The following FRMD4B variants were observed in gnomAD, a reference collection of about 807,000 sequenced individuals.
The protein encoded by FRMD4B is FERM domain-containing protein 4B.
In FRMD4B, 74 loss-of-function variants were observed where a neutral mutation model predicts 141.5. That is an observed-to-expected ratio of 0.52 (90% CI 0.43 to 0.63). The LOEUF (loss-of-function observed/expected upper bound fraction) is 0.63. FRMD4B is among the 30% of genes least tolerant of loss of function. The pLI, the probability that FRMD4B is intolerant of heterozygous loss-of-function variation, is 0.00. For missense variants in FRMD4B, 1,366 were observed against 1,253.4 expected, an observed-to-expected ratio of 1.09 and a Z score of -1.36; for synonymous variants, 506 against 467.9, an observed-to-expected ratio of 1.08 and a Z score of -1.05.
chr3:69,442,411 A>G (rs1575803883), intron 1 of FRMD4B, among the ~76,000 whole-genome samples: 1 of 152,138 alleles, frequency 6.6e-6, no homozygotes, highest in African/African-American at 2.4e-5. Context: ...AAAAATTGTT[A>G]TTTTTAAGTG....
chr3:69,536,132 G>T (rs1478424259), intron 1 of FRMD4B: 1 of 495,984 alleles, frequency 2.0e-6, no homozygotes, highest in African/African-American at 2.0e-5. Flanking sequence ...GGCTGCACCT[G>T]GCTTGGGAGG....
rs368542887 is a variant in FRMD4B at position 69,524,851 on chromosome 3, G to A, written c.-129+17355C>T. 3.3e-5 allele frequency among the ~76,000 whole-genome samples: 5 copies of A among 152,332 alleles called. No individual in the cohort carries two copies. In the East Asian group the frequency reaches 5.8e-4, roughly 18 times the overall value. On this transcript the variant is annotated intron_variant, in intron 1 of 5. Coordinates refer to the FRMD4B transcript ENST00000459638. ...GTCGCCCCTACCTTGACAGCCACAT[G>A]CCCAGACAAAACTAAAAGGTGTGGG...
At chr3:69,224,564 G>A (rs767766277) in intron 8 of FRMD4B, 43 bp downstream of exon 8, 3 of 858,544 alleles carry the variant, frequency 3.5e-6, no homozygotes, top group Non-Finnish European at 5.9e-6. Flanking sequence ...GTTCTGAATG[G>A]AGGCTATGAA....
intron 7 of FRMD4B, among the ~76,000 whole-genome samples, chr3:69,226,373 A>T (rs1372925848): frequency 1.3e-5 from 2 of 151,670 alleles, no homozygotes; most frequent in Non-Finnish European, 2.9e-5. Flanking sequence ...CTCCCAGTAT[A>T]TTTATTTTTC....
chr3:69,534,252 A>G (rs577037321), intron 1 of FRMD4B, among the ~76,000 whole-genome samples: 1 of 152,180 alleles, frequency 6.6e-6, no homozygotes, highest in Non-Finnish European at 1.5e-5. Context: ...CACTGACACT[A>G]TTTCTTTCTC....
intron 1 of FRMD4B, among the ~76,000 whole-genome samples, chr3:69,447,027 ACT>A (rs1303428389): frequency 6.6e-6 from 1 of 151,994 alleles, no homozygotes; most frequent in African/African-American, 2.4e-5. Flanking sequence ...TTGCTGAGAT[ACT>A]CTGTGTTCTA....
chr3:69,515,148 G>C (rs1034828746), intron 1 of FRMD4B, among the ~76,000 whole-genome samples: 3 of 152,174 alleles, frequency 2.0e-5, no homozygotes, highest in Non-Finnish European at 4.4e-5. Context: ...GAGCAAGAGA[G>C]AGTTGGGTGG....
chr3:69,337,953 C>G (rs1188169486), intron 1 of FRMD4B, among the ~76,000 whole-genome samples: 2 of 152,234 alleles, frequency 1.3e-5, no homozygotes, highest in Non-Finnish European at 2.9e-5. Context: ...CATCCCATTA[C>G]TGGGTATATA....
chr3:69,453,278 G>T (rs562534760), intron 1 of FRMD4B, among the ~76,000 whole-genome samples: 44 of 152,302 alleles, frequency 2.9e-4, no homozygotes, highest in Admixed American at 7.8e-4. Flanking sequence ...TCTTGCATCT[G>T]GCTGGCTCTG....
At chr3:69,327,741 T>C (rs1269841539) in intron 1 of FRMD4B, among the ~76,000 whole-genome samples, 2 of 152,212 alleles carry the variant, frequency 1.3e-5, no homozygotes, top group Non-Finnish European at 2.9e-5. Context: ...GGTAAGGGTT[T>C]TAGAAAAGCA....
intron 11 of FRMD4B, among the ~76,000 whole-genome samples, 185 bp downstream of exon 11, chr3:69,216,078 C>T (rs1160543915): frequency 6.6e-6 from 1 of 151,710 alleles, no homozygotes; most frequent in African/African-American, 2.4e-5. Context: ...CGCTTGAACC[C>T]AGGAGGTGGA....
intron 2 of FRMD4B, among the ~76,000 whole-genome samples, chr3:69,402,081 T>C (rs1176677178): frequency 2.6e-5 from 4 of 152,244 alleles, no homozygotes; most frequent in African/African-American, 9.6e-5. Context: ...CTATTTCTCA[T>C]GTCTGCCCAA....
At position 69,215,284 on chromosome 3, in the gene FRMD4B, C is replaced by CTTTTTTTTT. The variant is rs577275162; in HGVS notation, c.876+970_876+978dup. On this transcript the variant is annotated intron_variant, in intron 11 of 22. Coordinates refer to ENST00000398540, the MANE Select transcript of FRMD4B (RefSeq NM_015123.3). The stretch of plus-strand genomic sequence containing the variant: ...TCCAAATCTGATAGATTGTGACCCT[C>CTTTTTTTTT]TTTTTTTTTTTTTTTTTTTTTTTTT... Among the ~76,000 whole-genome samples, 131 of 45,226 alleles carry CTTTTTTTTT rather than the reference C, an allele frequency of 2.9e-3. 48 individuals carry two copies. Among genetic ancestry groups the CTTTTTTTTT allele is most frequent in the Middle Eastern group, 0.045 (2 of 44 alleles). The allele number at this position is 45,226 out of a possible 152,430, so 29.7% of individuals were successfully genotyped here. A position where few individuals can be genotyped will look rare whatever the true frequency, so the allele number is the denominator to read the frequency against.
intron 2 of FRMD4B, among the ~76,000 whole-genome samples, chr3:69,425,607 A>C (rs1455728834): frequency 6.6e-6 from 1 of 152,196 alleles, no homozygotes; most frequent in Non-Finnish European, 1.5e-5. Context: ...TTCAGCTGAA[A>C]CATAAAAGGG....
At chr3:69,317,294 A>G (rs1040750218) in intron 1 of FRMD4B, among the ~76,000 whole-genome samples, 2 of 152,200 alleles carry the variant, frequency 1.3e-5, no homozygotes, top group African/African-American at 2.4e-5. Flanking sequence ...GGCAAGGGAT[A>G]GATACTTGAC....
chr3:69,398,306 A>C (rs1247690148), intron 2 of FRMD4B, among the ~76,000 whole-genome samples: 3 of 152,088 alleles, frequency 2.0e-5, no homozygotes, highest in African/African-American at 7.2e-5. Flanking sequence ...TATTTATGGG[A>C]TACATAGTGA....
At chr3:69,339,902 A>G (rs1004267885) in intron 1 of FRMD4B, among the ~76,000 whole-genome samples, 15 of 152,038 alleles carry the variant, frequency 9.9e-5, no homozygotes, top group African/African-American at 2.9e-4. Context: ...GAGCCAACCA[A>G]TTAGGTTCTG....
chr3:69,408,178 T>C (rs1247439467), intron 2 of FRMD4B, among the ~76,000 whole-genome samples: 1 of 152,048 alleles, frequency 6.6e-6, no homozygotes, highest in African/African-American at 2.4e-5. Flanking sequence ...AATGCATAGA[T>C]GAAATGGGAA....
At chr3:69,289,676 G>A (rs1700809298) in intron 4 of FRMD4B, among the ~76,000 whole-genome samples, 1 of 152,118 alleles carries the variant, frequency 6.6e-6, no homozygotes, top group African/African-American at 2.4e-5. Flanking sequence ...GCGGGCACCT[G>A]TAATCTCAGC....
Sources: allele counts gnomAD v4.1 joint callset (sites outside exome capture counted in the v4.1 genomes callset), GRCh38; gene constraint gnomAD v4.1.1; transcripts MANE v1.5; gene names NCBI Gene and HGNC (gene_info 2026-07-23, HGNC 2026-07-21).